NR5A1: variants seen among roughly 807,000 people sequenced by gnomAD.
NR5A1 encodes the protein steroidogenic factor 1.
NR5A1 carries 6 observed loss-of-function variants against 42.7 expected under a neutral mutation model. The observed-to-expected ratio is 0.14, with a 90% CI of 0.08 to 0.28. The LOEUF (loss-of-function observed/expected upper bound fraction) is 0.28. Ranked by LOEUF, NR5A1 falls within the 10% of genes least tolerant of loss-of-function variation. The probability of loss-of-function intolerance (pLI) is 1.00; values close to 1 mark genes in which losing one functional copy is unlikely to be tolerated. For synonymous variants in NR5A1, 274 were observed against 277.5 expected, an observed-to-expected ratio of 0.99 and a Z score of 0.12; for missense variants, 442 against 626.4, an observed-to-expected ratio of 0.71 and a Z score of 3.14.
intron 6 of NR5A1, among the ~76,000 whole-genome samples, chr9:124,487,204 T>C (rs1363434146): frequency 6.6e-6 from 1 of 152,166 alleles, no homozygotes; most frequent in African/African-American, 2.4e-5. Flanking sequence ...CTTTTCATGG[T>C]TTAATTGAAT....
In NR5A1 at chr9:124,493,057, G is replaced by T; in HGVS notation, c.963C>A (p.Gly321=). 6.2e-7 allele frequency: 1 copy of T among 1,607,968 alleles called. No individual in the cohort carries two copies. The highest frequency in any genetic ancestry group is 8.5e-7 in the Non-Finnish European group (1 of 1,178,106). ...IYRQVQHGKE[G]SILLVTGQEV... ...CCTGCCCGGTGACCAGCAGGATGCT[G>T]CCCTCCTTGCCGTGCTGGACCTGGC... Residue 321 remains glycine (G), a synonymous_variant, in exon 5 of 7, where the codon GGC becomes GGA. Transcript: ENST00000373588.
chr9:124,493,131 G>A lies in NR5A1; in HGVS notation c.889C>T (p.Leu297=). The change falls in exon 5 of 7, where the codon CTG becomes TTG. Residue 297 remains leucine (L), a synonymous_variant. Transcript: ENST00000373588. ...KELEVADQMT[L]LQNCWSELLV... is the part of the protein sequence containing the mutation. ...AGCTCGCTCCAGCAGTTCTGCAGCA[G>A]CGTCATCTGGTCGGCCACCTGGAAG... The A allele has an allele frequency of 1.2e-6, 2 of 1,611,606 alleles. No homozygotes were observed. The highest frequency in any genetic ancestry group is 1.3e-5 in the African/African-American group (1 of 75,038).
intron 3 of NR5A1, among the ~76,000 whole-genome samples, 196 bp downstream of exon 3, chr9:124,502,883 C>T (rs1202675837): frequency 6.6e-6 from 1 of 152,218 alleles, no homozygotes; most frequent in Non-Finnish European, 1.5e-5. Context: ...CCCAGGCTGG[C>T]CTTGCCAGCG....
rs1217890882 is a variant in NR5A1 at position 124,482,788 on chromosome 9, G to A, written c.1356C>T (p.Leu452=). Residue 452 remains leucine (L), a synonymous_variant, in exon 7 of 7, where the codon CTC becomes CTT. Coordinates refer to ENST00000373588, the MANE Select transcript of NR5A1 (RefSeq NM_004959.5). ...TCTGCTTGGCTTGCAGCATTTCGAT[G>A]AGCAGGTTGTTGCGGGGCATCTCGT... ...LGNEMPRNNL[L]IEMLQAKQT is the part of the protein sequence containing the mutation. 6.3e-7 allele frequency: 1 copy of A among 1,595,258 alleles called. No homozygotes were observed. The highest frequency in any genetic ancestry group is 1.4e-5 in the African/African-American group (1 of 72,686).
In NR5A1 at chr9:124,498,150, A is replaced by G. The variant is rs1832413973; in HGVS notation, c.870+1940T>C. ...GAGGTGGGGAAATGAATGATCAGCT[A>G]GAAGAGACGCCGGAGTCACCCACAC... On this transcript the variant is annotated intron_variant, in intron 4 of 6. Transcript: ENST00000373588. This position sits in a 1 kb window ranked among gnomAD's most constrained non-coding sequence, Gnocchi z 4.6. Among the ~76,000 whole-genome samples the G allele has an allele frequency of 2.0e-5, 3 of 152,172 alleles. No individual in the cohort carries two copies. The highest frequency in any genetic ancestry group is 6.5e-5 in the Admixed American group (1 of 15,288).
intron 4 of NR5A1, among the ~76,000 whole-genome samples, chr9:124,493,356 C>A (rs1419071045): frequency 2.0e-5 from 3 of 152,198 alleles, no homozygotes; most frequent in African/African-American, 7.2e-5. Context: ...TTGAATGGGC[C>A]AGGCTTCAGG....
rs143573757 is a variant in NR5A1, at chr9:124,489,339, A to C, written c.1138+1742T>G. ...ACCACCCGGACTCCCGCGGACACAC[A>C]CTCCAATTCTAGGTGCCTCCAAGCA... On this transcript the variant is annotated intron_variant, in intron 6 of 6. Coordinates refer to ENST00000373588, the MANE Select transcript of NR5A1 (RefSeq NM_004959.5). Among the ~76,000 whole-genome samples the C allele has an allele frequency of 4.6e-5, 7 of 151,870 alleles. No individual in the cohort carries two copies. In the East Asian group the frequency reaches 1.4e-3, roughly 29 times the overall value.
chr9:124,483,681 C>G (rs1000081942), intron 6 of NR5A1, among the ~76,000 whole-genome samples: 1 of 152,196 alleles, frequency 6.6e-6, no homozygotes, highest in Non-Finnish European at 1.5e-5. Flanking sequence ...TCTCCATGAC[C>G]GTTGCCATCC....
intron 6 of NR5A1, among the ~76,000 whole-genome samples, chr9:124,486,288 A>C (rs1832207682): frequency 6.6e-6 from 1 of 152,048 alleles, no homozygotes; most frequent in South Asian, 2.1e-4. Flanking sequence ...AGAAGCCCAG[A>C]CCCAGTTTCC....
chr9:124,486,647 C>G (rs4838189), intron 6 of NR5A1, among the ~76,000 whole-genome samples: 1 of 151,958 alleles, frequency 6.6e-6, no homozygotes, highest in African/African-American at 2.4e-5. Context: ...TCTAGACTTG[C>G]CTTCCTCCTC....
chr9:124,490,455 G>A (rs1832290834), intron 6 of NR5A1, among the ~76,000 whole-genome samples: 1 of 152,178 alleles, frequency 6.6e-6, no homozygotes, highest in African/African-American at 2.4e-5. Context: ...CTTGGGGAGT[G>A]AGGTGGGTGG....
rs758432065 is a variant in NR5A1, at chr9:124,493,168, C to CGG, written c.871-21_871-20dup. The stretch of plus-strand genomic sequence containing the variant: ...CGGCCACCTGGAAGGAAGAGGCACG[C>CGG]GGGGGGCCGGGCTCCAGCCAGGGTC... On this transcript the variant is annotated intron_variant, in intron 4 of 6. Coordinates refer to ENST00000373588, the MANE Select transcript of NR5A1 (RefSeq NM_004959.5). The CGG allele has an allele frequency of 8.1e-6, 13 of 1,606,772 alleles. No individual in the cohort carries two copies. In the Admixed American group the frequency reaches 1.7e-4, roughly 21 times the overall value.
intron 1 of NR5A1, among the ~76,000 whole-genome samples, chr9:124,506,393 A>G (rs547038007): frequency 6.6e-6 from 1 of 152,288 alleles, no homozygotes; most frequent in South Asian, 2.1e-4. Flanking sequence ...CTGAGAAACA[A>G]GAGCATCTGC....
Position 124,503,092 on chromosome 9 carries a change from C to T in NR5A1, c.231G>A (p.Gly77=). Residue 77 remains glycine, a synonymous_variant, in exon 3 of 7, where the codon GGG becomes GGA. Transcript: ENST00000373588. This position sits in a 1 kb window ranked among gnomAD's most constrained non-coding sequence, Gnocchi z 9.6. The part of the protein sequence containing the change: ...FCRFQKCLTV[G]MRLEAVRADR... ...CGCGGCGCGCACCTTCCAGGCGCATCCCCACCGTCAGGCATTTCTGGAAGC... is the reference window on the plus strand; with the variant it reads ...CGCGGCGCGCACCTTCCAGGCGCATTCCCACCGTCAGGCATTTCTGGAAGC... 1 of 1,585,228 alleles carries T rather than the reference C, an allele frequency of 6.3e-7. No homozygotes were observed. The highest frequency in any genetic ancestry group is 8.6e-7 in the Non-Finnish European group (1 of 1,168,098).
chr9:124,484,296 G>C (rs1029195054), intron 6 of NR5A1, among the ~76,000 whole-genome samples: 2 of 152,214 alleles, frequency 1.3e-5, no homozygotes, highest in African/African-American at 4.8e-5. Flanking sequence ...GAGGGGGCCT[G>C]GATGGCCACG....
chr9:124,491,283 G>A (rs1832305480), intron 5 of NR5A1, 55 bp from the exon 6 acceptor site: 1 of 1,434,638 alleles, frequency 7.0e-7, no homozygotes, highest in Non-Finnish European at 9.5e-7. Flanking sequence ...GTCCGGGCAG[G>A]TGGCTCTCTG....
chr9:124,487,677 G>C (rs928687975), intron 6 of NR5A1, among the ~76,000 whole-genome samples: 2 of 152,214 alleles, frequency 1.3e-5, no homozygotes, highest in Non-Finnish European at 2.9e-5. Flanking sequence ...CAGGCTGTCC[G>C]GCCCAGGGCG....
intron 6 of NR5A1, among the ~76,000 whole-genome samples, chr9:124,490,832 G>GA (rs1832296274): frequency 6.6e-6 from 1 of 152,170 alleles, no homozygotes; most frequent in Non-Finnish European, 1.5e-5. Context: ...CCCCAGGATG[G>GA]GAGCCTGGAA....
intron 6 of NR5A1, 45 bp downstream of exon 6, chr9:124,491,036 C>CCCCCCCCAGGG: frequency 1.1e-5 from 15 of 1,401,562 alleles, no homozygotes; most frequent in Non-Finnish European, 1.4e-5. Flanking sequence ...CCCACCCACC[C>CCCCCCCCAGGG]GCCTCTGGCT....
Sources: gnomAD v4.1 joint callset for allele counts (sites outside exome capture counted in the v4.1 genomes callset) on GRCh38, gnomAD v4.1.1 for gene constraint, Gnocchi (gnomAD v3.1) non-coding constraint, MANE v1.5 for transcripts, NCBI Gene and HGNC (gene_info 2026-07-23, HGNC 2026-07-21) for gene names.